Variants in THRB observed in about 807,000 individuals in gnomAD.
The protein encoded by THRB is nuclear receptor subfamily 1 group A member 2.
A neutral mutation model predicts 47.8 loss-of-function variants in THRB; 12 were observed. The observed-to-expected ratio is 0.25, with a 90% CI of 0.16 to 0.41. The LOEUF (loss-of-function observed/expected upper bound fraction) is 0.41, where lower values mean the gene tolerates loss of function less well. THRB is among the 10% of genes least tolerant of loss of function. The pLI, the probability that THRB is intolerant of heterozygous loss-of-function variation, is 1.00. For synonymous variants in THRB, 218 were observed against 212.2 expected, an observed-to-expected ratio of 1.03 and a Z score of -0.24; for missense variants, 348 against 589.2, an observed-to-expected ratio of 0.59 and a Z score of 4.24.
In THRB at chr3:24,190,055, C is replaced by T. The variant is rs1368715017; in HGVS notation, c.283+19G>A. The T allele has an allele frequency of 6.2e-7, 1 of 1,613,126 alleles. No homozygotes were observed. Among genetic ancestry groups the T allele is most frequent in the South Asian group, 1.1e-5 (1 of 91,044 alleles). ...TCTTGTTGAAACACATGATAATGGG[C>T]TAATAAAAATCTGGTTACCTTTACA... On this transcript the variant is annotated intron_variant, in intron 5 of 10. Transcript: ENST00000646209.
chr3:24,462,983 T>C (rs985843458), intron 1 of THRB, among the ~76,000 whole-genome samples: 1 of 152,164 alleles, frequency 6.6e-6, no homozygotes, highest in Non-Finnish European at 1.5e-5. Flanking sequence ...GTCACTGCTA[T>C]AGGGTCACAC....
chr3:24,407,114 C>G (rs2067888703), intron 1 of THRB, among the ~76,000 whole-genome samples: 1 of 151,798 alleles, frequency 6.6e-6, no homozygotes, highest in African/African-American at 2.4e-5. Flanking sequence ...GCACTGTCCA[C>G]AAGAAGAAAA....
At chr3:24,310,824 AATT>A (rs2057707716) in intron 2 of THRB, among the ~76,000 whole-genome samples, 1 of 152,140 alleles carries the variant, frequency 6.6e-6, no homozygotes, top group Non-Finnish European at 1.5e-5. Context: ...CACCACAAAT[AATT>A]ATCTGGTCCA....
intron 1 of THRB, among the ~76,000 whole-genome samples, chr3:24,433,361 G>T (rs530291019): frequency 3.3e-5 from 5 of 152,220 alleles, no homozygotes; most frequent in Admixed American, 2.6e-4. Context: ...TGCAGGAGGG[G>T]TCAGAGGCAA....
chr3:24,465,035 T>A (rs1159316178), intron 1 of THRB, among the ~76,000 whole-genome samples: 1 of 152,200 alleles, frequency 6.6e-6, no homozygotes, highest in Non-Finnish European at 1.5e-5. Context: ...ACTCACTATT[T>A]TTTTTTTCCT....
In THRB at chr3:24,198,324, G is replaced by A. The variant is rs144976996; in HGVS notation, c.23-7990C>T. On this transcript the variant is annotated intron_variant, in intron 4 of 10. Coordinates refer to ENST00000646209, the MANE Select transcript of THRB (RefSeq NM_001354712.2). ...AAGAATTGCTATGGAAGCGTTATAG[G>A]TTATAGGACCTCACAGTGTTGGTGT... 2.5e-3 allele frequency among the ~76,000 whole-genome samples: 380 copies of A among 152,248 alleles called. 1 individual carries two copies. Among genetic ancestry groups the A allele is most frequent in the Non-Finnish European group, 4.1e-3 (281 of 68,020 alleles).
At chr3:24,487,604 G>A (rs143457293) in intron 1 of THRB, among the ~76,000 whole-genome samples, 1 of 152,270 alleles carries the variant, frequency 6.6e-6, no homozygotes, top group East Asian at 1.9e-4. Context: ...AGAAGGGACT[G>A]AAAACAATGA....
intron 1 of THRB, among the ~76,000 whole-genome samples, chr3:24,387,802 G>T (rs2066247877): frequency 6.6e-6 from 1 of 152,054 alleles, no homozygotes; most frequent in East Asian, 1.9e-4. Flanking sequence ...TTCCTCAGGG[G>T]GTTTAGGAAT....
intron 1 of THRB, among the ~76,000 whole-genome samples, chr3:24,341,079 T>A (rs2149456986): frequency 6.6e-6 from 1 of 152,060 alleles, no homozygotes; most frequent in Admixed American, 6.5e-5. Context: ...GAGAAACAAA[T>A]TCTTTTTCTT....
intron 1 of THRB, among the ~76,000 whole-genome samples, chr3:24,407,040 T>A (rs2067881948): frequency 6.6e-6 from 1 of 151,864 alleles, no homozygotes; most frequent in Non-Finnish European, 1.5e-5. Flanking sequence ...AAAGGTCAAC[T>A]TCTGGGGCAT....
intron 5 of THRB, among the ~76,000 whole-genome samples, chr3:24,172,307 G>T (rs182736172): frequency 6.6e-6 from 1 of 152,028 alleles, no homozygotes; most frequent in Non-Finnish European, 1.5e-5. Context: ...CTTTACCAAC[G>T]AGGAAAGCTG....
intron 1 of THRB, among the ~76,000 whole-genome samples, chr3:24,384,794 C>A (rs1319420151): frequency 2.6e-5 from 4 of 152,036 alleles, no homozygotes; most frequent in Non-Finnish European, 5.9e-5. Flanking sequence ...ACTTAAAATC[C>A]ATGCACCCCT....
At chr3:24,314,086 G>C (rs2057947938) in intron 2 of THRB, among the ~76,000 whole-genome samples, 1 of 152,138 alleles carries the variant, frequency 6.6e-6, no homozygotes, top group African/African-American at 2.4e-5. Flanking sequence ...ACTGAGATAG[G>C]CGTTTTATAC....
chr3:24,238,637 T>G (rs1387807151), intron 3 of THRB, among the ~76,000 whole-genome samples: 1 of 152,026 alleles, frequency 6.6e-6, no homozygotes, highest in Non-Finnish European at 1.5e-5. Context: ...AAAAGAAAAT[T>G]CAATCTTGTC....
chr3:24,392,144 A>T (rs1167357640), intron 1 of THRB, among the ~76,000 whole-genome samples: 1 of 152,128 alleles, frequency 6.6e-6, no homozygotes, highest in African/African-American at 2.4e-5. Context: ...CCATTATATT[A>T]CTTCCAAGTC....
At chr3:24,384,906 C>G (rs910385929) in intron 1 of THRB, among the ~76,000 whole-genome samples, 3 of 152,226 alleles carry the variant, frequency 2.0e-5, no homozygotes, top group Admixed American at 6.5e-5. Context: ...TAAATTTTAT[C>G]TGGCTTATGG....
At chr3:24,133,141 TACAG>T (rs2034126004) in intron 9 of THRB, among the ~76,000 whole-genome samples, 171 bp downstream of exon 9, 1 of 152,194 alleles carries the variant, frequency 6.6e-6, no homozygotes, top group African/African-American at 2.4e-5. Flanking sequence ...GATGACTAAA[TACAG>T]AAAGTGGGAA....
intron 10 of THRB, among the ~76,000 whole-genome samples, chr3:24,123,889 T>C (rs973851904): frequency 6.6e-6 from 1 of 152,010 alleles, no homozygotes. Flanking sequence ...GGGCTTCCCA[T>C]AGTATGTGGG....
At chr3:24,208,053 CAG>C (rs1261433819) in intron 4 of THRB, among the ~76,000 whole-genome samples, 1 of 151,974 alleles carries the variant, frequency 6.6e-6, no homozygotes, top group African/African-American at 2.4e-5. Context: ...ACACCAATAA[CAG>C]ACAAACAGAG....
Sources: allele counts gnomAD v4.1 joint callset (sites outside exome capture counted in the v4.1 genomes callset), GRCh38; gene constraint gnomAD v4.1.1; transcripts MANE v1.5; gene names NCBI Gene and HGNC (gene_info 2026-07-23, HGNC 2026-07-21).